Variants in EML6 observed in about 807,000 individuals in gnomAD.
EML6 encodes the protein echinoderm microtubule-associated protein-like 6.
A neutral mutation model predicts 240.1 loss-of-function variants in EML6; 154 were observed. The observed-to-expected ratio is 0.64, with a 90% CI of 0.56 to 0.73. EML6 has a LOEUF of 0.73. Among genes scored for constraint, EML6 ranks in the 30% least tolerant of loss-of-function variants. EML6 has a pLI of 0.00. For synonymous variants in EML6, 1,148 were observed against 899.0 expected (o/e 1.28, Z -4.95); for missense variants, 2,964 against 2,474.6 (o/e 1.20, Z -4.20).
intron 16 of EML6, among the ~76,000 whole-genome samples, chr2:54,875,766 A>G (rs1167729759): frequency 2.0e-5 from 3 of 152,216 alleles, no homozygotes; most frequent in African/African-American, 7.2e-5. Context: ...GGGAAGGGGA[A>G]CCATTTTTGT....
At chr2:54,860,114 C>G (rs751230356) in intron 12 of EML6, among the ~76,000 whole-genome samples, 31 of 152,206 alleles carry the variant, frequency 2.0e-4, no homozygotes, top group Non-Finnish European at 3.8e-4. Context: ...CTGAGGCACA[C>G]TCTGGCAGGA....
At chr2:54,835,760 C>T (rs988455725) in intron 7 of EML6, among the ~76,000 whole-genome samples, 3 of 152,140 alleles carry the variant, frequency 2.0e-5, no homozygotes, top group African/African-American at 4.8e-5. Flanking sequence ...ATTGTCGCAA[C>T]TGCAGAGTTG....
rs952476281 is a variant in EML6 at position 54,827,558 on chromosome 2, C to A, written c.526-8C>A. On this transcript the variant is annotated splice_region_variant and splice_polypyrimidine_tract_variant and intron_variant, in intron 5 of 41. Transcript: ENST00000356458. ...TCTTGGAGATCTATTTTATCACTTA[C>A]ATTGTAGTTTTGGACACTGTGTGGA... is the stretch of plus-strand genomic sequence containing the variant. 3.9e-6 allele frequency: 6 copies of A among 1,549,230 alleles called. No homozygotes were observed. The highest frequency in any genetic ancestry group is 5.2e-6 in the Non-Finnish European group (6 of 1,145,156).
intron 2 of EML6, among the ~76,000 whole-genome samples, chr2:54,794,136 A>T (rs1414133207): frequency 6.6e-6 from 1 of 152,094 alleles, no homozygotes; most frequent in Non-Finnish European, 1.5e-5. Flanking sequence ...TATTATCCCC[A>T]TTTCGGACAA....
intron 5 of EML6, among the ~76,000 whole-genome samples, chr2:54,821,213 A>G (rs1668320229): frequency 6.6e-6 from 1 of 152,174 alleles, no homozygotes; most frequent in Non-Finnish European, 1.5e-5. Flanking sequence ...GTATGAATGA[A>G]GATTTTCCTC....
chr2:54,968,426 C>T (rs1455022984), intron 40 of EML6, 145 bp downstream of exon 40: 2 of 833,904 alleles, frequency 2.4e-6, no homozygotes, highest in African/African-American at 3.4e-5. Context: ...TTTTTCACCT[C>T]CTGGAGGGGC....
At chr2:54,828,851 G>A (rs927543255) in intron 6 of EML6, among the ~76,000 whole-genome samples, 1 of 152,222 alleles carries the variant, frequency 6.6e-6, no homozygotes, top group African/African-American at 2.4e-5. Flanking sequence ...GAACACAAGT[G>A]CTATTTACAT....
At chr2:54,969,199 C>CTT (rs1365255906) in intron 41 of EML6, among the ~76,000 whole-genome samples, 1 of 152,192 alleles carries the variant, frequency 6.6e-6, no homozygotes, top group East Asian at 1.9e-4. Flanking sequence ...TTTATTTACT[C>CTT]TAAATAGAGT....
intron 2 of EML6, among the ~76,000 whole-genome samples, chr2:54,752,401 A>T (rs1192966891): frequency 6.6e-6 from 1 of 152,188 alleles, no homozygotes; most frequent in Non-Finnish European, 1.5e-5. Flanking sequence ...TACTACCCAG[A>T]TCAAGAAATA....
At chr2:54,745,183 T>C (rs1683859483) in intron 2 of EML6, among the ~76,000 whole-genome samples, 1 of 152,136 alleles carries the variant, frequency 6.6e-6, no homozygotes, top group South Asian at 2.1e-4. Flanking sequence ...CCAGGTTTGG[T>C]GAAGCAGAGA....
At chr2:54,741,252 A>T (rs1683615404) in intron 2 of EML6, among the ~76,000 whole-genome samples, 3 of 152,032 alleles carry the variant, frequency 2.0e-5, no homozygotes, top group Admixed American at 2.0e-4. Context: ...ATAGAGTACT[A>T]ACTGGCCTCC....
At chr2:54,848,830 G>T (rs1669916879) in intron 9 of EML6, among the ~76,000 whole-genome samples, 1 of 152,138 alleles carries the variant, frequency 6.6e-6, no homozygotes, top group Non-Finnish European at 1.5e-5. Flanking sequence ...AAATATTCCA[G>T]TGACTCACTG....
chr2:54,922,827 C>A (rs6719684), intron 26 of EML6, among the ~76,000 whole-genome samples: 24 of 151,088 alleles, frequency 1.6e-4, no homozygotes, highest in Admixed American at 4.6e-4. Context: ...CTCACATATA[C>A]GTGGAAGCTA....
In EML6 at chr2:54,952,670, C is replaced by A. The variant is rs369666100; in HGVS notation, c.4290C>A (p.Asn1430Lys). The A allele has an allele frequency of 1.3e-6, 2 of 1,551,196 alleles. No homozygotes were observed. The highest frequency in any genetic ancestry group is 3.9e-5 in the Admixed American group (2 of 51,008). ...LTVNQHPKYR[N>K]VVATSQIGTT... ...TGAACCAGCACCCCAAGTACAGAAA[C>A]GTGGTGGCCACCAGCCAGATAGGTA... Residue 1430 changes from asparagine (N) to lysine (K), a missense_variant, in exon 31 of 42, where the codon AAC becomes AAA. Coordinates refer to ENST00000356458, the MANE Select transcript of EML6 (RefSeq NM_001039753.4).
rs1674663581 is a variant in EML6 at position 54,928,286 on chromosome 2, G to C, written c.3676-27G>C. 2.6e-6 allele frequency: 4 copies of C among 1,528,242 alleles called. No homozygotes were observed. The South Asian group carries it at 4.8e-5, about 18-fold the overall frequency. 94.7% of individuals were successfully genotyped at this position (1,528,242 alleles called of 1,614,324 possible). Reference sequence around the variant, plus strand: ...CAGAGAAAGGAATAACAGTGGCTGGGGTAATAACCAATTTCGGGCTTTACA... The same window carrying C: ...CAGAGAAAGGAATAACAGTGGCTGGCGTAATAACCAATTTCGGGCTTTACA... On this transcript the variant is annotated intron_variant, in intron 26 of 41. Coordinates refer to ENST00000356458, the MANE Select transcript of EML6 (RefSeq NM_001039753.4).
intron 7 of EML6, among the ~76,000 whole-genome samples, chr2:54,830,620 C>T (rs1668821926): frequency 6.6e-6 from 1 of 152,162 alleles, no homozygotes; most frequent in Admixed American, 6.5e-5. Flanking sequence ...GTGCGCGGTG[C>T]TCTCTGCCGG....
At chr2:54,834,131 C>G (rs1669012432) in intron 7 of EML6, among the ~76,000 whole-genome samples, 2 of 152,082 alleles carry the variant, frequency 1.3e-5, no homozygotes, top group South Asian at 4.1e-4. Context: ...GGGAGACACC[C>G]TGGATGTAAG....
At position 54,948,902 on chromosome 2, in the gene EML6, C is replaced by G. The variant is rs775259205; in HGVS notation, c.4025C>G (p.Ala1342Gly). 4.1e-5 allele frequency: 64 copies of G among 1,551,352 alleles called. No individual in the cohort carries two copies. Among genetic ancestry groups the G allele is most frequent in the Non-Finnish European group, 5.5e-5 (63 of 1,146,944 alleles). The change falls in exon 29 of 42, where the codon GCT becomes GGT. Residue 1342 changes from alanine (A) to glycine (G), a missense_variant. Transcript: ENST00000356458. ...VEERPPVSRA[A>G]PQPEKLQKNN... ...TCCAGACCACCCGTTAGCCGAGCAG[C>G]TCCCCAGCCTGAGAAACTGCAGAAG...
intron 28 of EML6, among the ~76,000 whole-genome samples, chr2:54,933,902 C>G (rs1674993933): frequency 6.6e-6 from 1 of 152,208 alleles, no homozygotes; most frequent in African/African-American, 2.4e-5. Flanking sequence ...TAAAGCCCCT[C>G]ATGGTCCTGT....
Sources: gnomAD v4.1 joint callset for allele counts (sites outside exome capture counted in the v4.1 genomes callset) on GRCh38, gnomAD v4.1.1 for gene constraint, MANE v1.5 for transcripts, NCBI Gene and HGNC (gene_info 2026-07-23, HGNC 2026-07-21) for gene names.